PTPRN2: variants seen among roughly 807,000 people sequenced by gnomAD.
PTPRN2 encodes receptor-type tyrosine-protein phosphatase N2.
Under a neutral mutation model 118.8 loss-of-function variants are expected in PTPRN2, and 74 were observed. The ratio of observed to expected loss-of-function variants is 0.62; its 90% CI spans 0.52 to 0.76. The LOEUF (loss-of-function observed/expected upper bound fraction) is 0.76, where lower values mean the gene tolerates loss of function less well. Among genes scored for constraint, PTPRN2 ranks in the 30% least tolerant of loss-of-function variants. The probability of loss-of-function intolerance (pLI) is 0.00; values close to 1 mark genes in which losing one functional copy is unlikely to be tolerated. For synonymous variants in PTPRN2, 641 were observed against 608.0 expected, an observed-to-expected ratio of 1.05 and a Z score of -0.80; for missense variants, 1,481 against 1,394.4, an observed-to-expected ratio of 1.06 and a Z score of -0.99.
chr7:157,788,341 C>T (rs1804206593), intron 12 of PTPRN2, among the ~76,000 whole-genome samples: 1 of 142,420 alleles, frequency 7.0e-6, no homozygotes, highest in Non-Finnish European at 1.5e-5. Flanking sequence ...CACCACTGCA[C>T]TCCAGCCTGG....
Position 157,624,192 on chromosome 7 carries a change from G to A in PTPRN2, c.2197-2683C>T, listed in dbSNP as rs553644105. On this transcript the variant is annotated intron_variant, in intron 14 of 22. Transcript: ENST00000389418. ...TCCTAGCACTTTGGAAGGCTGAGGC[G>A]GGTGGATCACCTGAGGCCAGGAGTT... 2.3e-3 allele frequency among the ~76,000 whole-genome samples: 351 copies of A among 152,234 alleles called. 4 individuals carry two copies. The highest frequency in any genetic ancestry group is 8.1e-3 in the African/African-American group (338 of 41,536).
At chr7:157,757,268 G>A (rs145370072) in intron 12 of PTPRN2, among the ~76,000 whole-genome samples, 106 of 151,934 alleles carry the variant, frequency 7.0e-4, no homozygotes, top group Non-Finnish European at 1.2e-3. Flanking sequence ...GGCAGAGACC[G>A]TCGAGGAACC....
At chr7:158,482,423 A>G (rs1820709006) in intron 2 of PTPRN2, among the ~76,000 whole-genome samples, 1 of 152,246 alleles carries the variant, frequency 6.6e-6, no homozygotes, top group South Asian at 2.1e-4. Flanking sequence ...TCAAGCAACC[A>G]CGGCCCTGAT....
At chr7:157,616,710 GAA>G (rs1054514471) in intron 15 of PTPRN2, 11 of 152,112 alleles carry the variant, frequency 7.2e-5, no homozygotes, top group Non-Finnish European at 1.0e-4. Flanking sequence ...GAAGGAAAAA[GAA>G]AACCCTGGCT....
intron 3 of PTPRN2, among the ~76,000 whole-genome samples, chr7:158,289,237 C>T (rs986886284): frequency 2.0e-5 from 3 of 152,178 alleles, no homozygotes; most frequent in Admixed American, 6.5e-5. Context: ...AATGTTTTCT[C>T]ATATTATTTA....
At chr7:157,778,350 AGTT>A (rs1457849981) in intron 12 of PTPRN2, among the ~76,000 whole-genome samples, 3 of 151,946 alleles carry the variant, frequency 2.0e-5, no homozygotes, top group Admixed American at 2.0e-4. Context: ...ATGTGATTAC[AGTT>A]GTTGAATGCC....
chr7:158,092,157 TGAATGGGA>T (rs1814230963), intron 10 of PTPRN2, among the ~76,000 whole-genome samples: 1 of 149,964 alleles, frequency 6.7e-6, no homozygotes, highest in African/African-American at 2.5e-5. Flanking sequence ...AGTAGATGGG[TGAATGGGA>T]GGGCAGAGAT....
chr7:157,844,516 C>A (rs1808660504), intron 12 of PTPRN2, among the ~76,000 whole-genome samples: 1 of 152,136 alleles, frequency 6.6e-6, no homozygotes, highest in Admixed American at 6.5e-5. Context: ...CAGGTGAGGG[C>A]CAGGAGGAGA....
At chr7:157,778,550 G>A (rs1179373244) in intron 12 of PTPRN2, among the ~76,000 whole-genome samples, 2 of 151,862 alleles carry the variant, frequency 1.3e-5, no homozygotes, top group African/African-American at 4.8e-5. Flanking sequence ...TACAGGTGTT[G>A]GATGCCCACA....
At chr7:158,304,574 C>T (rs775394766) in intron 3 of PTPRN2, among the ~76,000 whole-genome samples, 4 of 152,002 alleles carry the variant, frequency 2.6e-5, no homozygotes, top group Admixed American at 6.5e-5. Context: ...GCATAAGACA[C>T]CCATCAATAC....
At chr7:158,564,597 C>A (rs1827566562) in intron 1 of PTPRN2, among the ~76,000 whole-genome samples, 1 of 152,176 alleles carries the variant, frequency 6.6e-6, no homozygotes, top group Admixed American at 6.5e-5. Context: ...GCCCTGGCCC[C>A]AGCCCCCAAG....
At chr7:157,772,098 CAT>C (rs1367734816) in intron 12 of PTPRN2, among the ~76,000 whole-genome samples, 14 of 151,288 alleles carry the variant, frequency 9.3e-5, no homozygotes, top group Middle Eastern at 3.4e-3. Flanking sequence ...CAAACACACA[CAT>C]GGATACACAC....
intron 12 of PTPRN2, among the ~76,000 whole-genome samples, chr7:157,757,669 A>G (rs1237173081): frequency 6.8e-6 from 1 of 146,692 alleles, no homozygotes; most frequent in African/African-American, 2.7e-5. Flanking sequence ...CTCACAAGAT[A>G]CAAGTTTTTT....
At chr7:157,571,392 G>A in intron 20 of PTPRN2, 48 bp downstream of exon 20, 1 of 1,444,176 alleles carries the variant, frequency 6.9e-7, no homozygotes, top group Non-Finnish European at 9.6e-7. Context: ...GCATAGATTA[G>A]TTTTTGAGGT....
chr7:158,150,769 C>G (rs1820925989), intron 6 of PTPRN2, among the ~76,000 whole-genome samples: 2 of 151,914 alleles, frequency 1.3e-5, no homozygotes, highest in Admixed American at 1.3e-4. Context: ...CGCTGCGTAT[C>G]TGCAGCACCG....
chr7:158,341,369 C>T lies in PTPRN2; in HGVS notation c.164-24437G>A, dbSNP rs558092046. Among the ~76,000 whole-genome samples, 278 of 144,198 alleles carry T rather than the reference C, an allele frequency of 1.9e-3. 1 individual carries two copies. Among genetic ancestry groups the T allele is most frequent in the African/African-American group, 6.9e-3 (255 of 37,176 alleles). 94.6% of individuals were successfully genotyped at this position (144,198 alleles called of 152,430 possible). ...CACCATAAGAGGTAACACATGCAGA[C>T]GTCACTCACACCCACACTCTCACCA... On this transcript the variant is annotated intron_variant, in intron 2 of 22. Transcript: ENST00000389418.
chr7:158,189,496 T>C (rs1825589550), intron 5 of PTPRN2, among the ~76,000 whole-genome samples: 1 of 152,170 alleles, frequency 6.6e-6, no homozygotes, highest in Non-Finnish European at 1.5e-5. Context: ...GCTCCTGCCT[T>C]TCTCTATTCA....
chr7:157,771,774 CACAG>C (rs779190719), intron 12 of PTPRN2, among the ~76,000 whole-genome samples: 22 of 126,188 alleles, frequency 1.7e-4, no homozygotes, highest in Non-Finnish European at 2.8e-4. Flanking sequence ...CACATGCAGA[CACAG>C]ACACACACTC....
intron 22 of PTPRN2, 76 bp from the exon 23 acceptor site, chr7:157,540,861 C>G (rs1054735235): frequency 4.1e-6 from 5 of 1,224,888 alleles, no homozygotes; most frequent in African/African-American, 3.0e-5. Context: ...CGGCTCCCTG[C>G]AGATGAAAGC....
Sources: allele counts gnomAD v4.1 joint callset (sites outside exome capture counted in the v4.1 genomes callset), GRCh38; gene constraint gnomAD v4.1.1; transcripts MANE v1.5; gene names NCBI Gene and HGNC (gene_info 2026-07-23, HGNC 2026-07-21).